ABLIM2: variants seen among roughly 807,000 people sequenced by gnomAD.
ABLIM2 encodes the protein actin binding LIM protein family member 2.
In ABLIM2, 53 loss-of-function variants were observed where a neutral mutation model predicts 97.7. That is an observed-to-expected ratio of 0.54 (90% confidence interval 0.44 to 0.68). ABLIM2 has a LOEUF of 0.68. Ranked by LOEUF, ABLIM2 falls within the 30% of genes least tolerant of loss-of-function variation. The probability of loss-of-function intolerance (pLI) is 0.00; values close to 1 mark genes in which losing one functional copy is unlikely to be tolerated. For missense variants in ABLIM2, 835 were observed against 867.2 expected (o/e 0.96, Z 0.47); for synonymous variants, 361 against 345.8 (o/e 1.04, Z -0.49).
rs571446501 is a variant in ABLIM2 at position 8,127,509 on chromosome 4, C to T, written c.11-20872G>A. 1.6e-6 allele frequency: 2 copies of T among 1,289,638 alleles called. No individual in the cohort carries two copies. Among genetic ancestry groups the T allele is most frequent in the Non-Finnish European group, 2.0e-6 (2 of 988,750 alleles). The allele number at this position is 1,289,638 out of a possible 1,614,324, so 79.9% of individuals were successfully genotyped here. A position where few individuals can be genotyped will look rare whatever the true frequency, so the allele number is the denominator to read the frequency against. ...GACTCATGGAGCTCACGGCTCCCAG[C>T]CGGATGGTCTGGGCAAAAGCGCAGT... On this transcript the variant is annotated intron_variant, in intron 1 of 20. Coordinates refer to ENST00000447017, the MANE Select transcript of ABLIM2 (RefSeq NM_001130083.2). The surrounding 1 kb of genome is among the most constrained non-coding windows in gnomAD (Gnocchi z 7.3).
chr4:8,029,606 A>AC lies in ABLIM2; in HGVS notation c.1168+49_1168+50insG, dbSNP rs3028964. The AC allele has an allele frequency of 1.2e-5, 16 of 1,317,610 alleles. No homozygotes were observed. In the East Asian group the frequency reaches 4.8e-4, roughly 39 times the overall value. The allele number at this position is 1,317,610 out of a possible 1,614,324, so 81.6% of individuals were successfully genotyped here. A position where few individuals can be genotyped will look rare whatever the true frequency, so the allele number is the denominator to read the frequency against. ...AAAACTAAAAAAAAAAAAAAAAAAA[A>AC]GGAAAAGGACAGCATCCTGGGGGCT... On this transcript the variant is annotated intron_variant, in intron 11 of 20. Transcript: ENST00000447017.
At position 8,149,840 on chromosome 4, in the gene ABLIM2, G is replaced by A. The variant is rs1416338540; in HGVS notation, c.10+8840C>T. Among the ~76,000 whole-genome samples the A allele has an allele frequency of 1.3e-5, 2 of 152,066 alleles. No homozygotes were observed. The highest frequency in any genetic ancestry group is 4.8e-5 in the African/African-American group (2 of 41,406). ...TGGCCCTGCGCCCAGACAGGACGGG[G>A]CCTATGGAGTAAGACCCCACACAGC... On this transcript the variant is annotated intron_variant, in intron 1 of 20. Coordinates refer to ENST00000447017, the MANE Select transcript of ABLIM2 (RefSeq NM_001130083.2). This position sits in a 1 kb window ranked among gnomAD's most constrained non-coding sequence, Gnocchi z 6.4.
At position 8,149,867 on chromosome 4, in the gene ABLIM2, G is replaced by A. The variant is rs1420322609; in HGVS notation, c.10+8813C>T. Among the ~76,000 whole-genome samples, 4 of 151,978 alleles carry A rather than the reference G, an allele frequency of 2.6e-5. No individual in the cohort carries two copies. Among genetic ancestry groups the A allele is most frequent in the South Asian group, 2.1e-4 (1 of 4,808 alleles). On this transcript the variant is annotated intron_variant, in intron 1 of 20. Transcript: ENST00000447017. The surrounding 1 kb of genome is among the most constrained non-coding windows in gnomAD (Gnocchi z 6.4). ...CTATGGAGTAAGACCCCACACAGCCGGTCCCTCTGTGGGACGATTCAGAGG... is the reference window on the plus strand; with the variant it reads ...CTATGGAGTAAGACCCCACACAGCCAGTCCCTCTGTGGGACGATTCAGAGG...
intron 1 of ABLIM2, among the ~76,000 whole-genome samples, chr4:8,151,048 A>C (rs1216537835): frequency 6.6e-6 from 1 of 152,160 alleles, no homozygotes; most frequent in East Asian, 1.9e-4. Context: ...GTAACCCCTC[A>C]AAAGCAGCTG....
rs1167976014 is a variant in ABLIM2 at position 8,125,383 on chromosome 4, A to G, written c.11-18746T>C. On this transcript the variant is annotated intron_variant, in intron 1 of 20. Coordinates refer to ENST00000447017, the MANE Select transcript of ABLIM2 (RefSeq NM_001130083.2). This position sits in a 1 kb window ranked among gnomAD's most constrained non-coding sequence, Gnocchi z 6.2. ...ATTTTACATGAATAATTTTACACAAATAGAATTGCATCTATGTGACTGCTA... is the reference window on the plus strand; with the variant it reads ...ATTTTACATGAATAATTTTACACAAGTAGAATTGCATCTATGTGACTGCTA... Among the ~76,000 whole-genome samples, 1 of 152,252 alleles carries G rather than the reference A, an allele frequency of 6.6e-6. No individual in the cohort carries two copies. Among genetic ancestry groups the G allele is most frequent in the African/African-American group, 2.4e-5 (1 of 41,462 alleles).
chr4:8,095,463 G>A lies in ABLIM2; in HGVS notation c.338+1636C>T, dbSNP rs74390766. Among the ~76,000 whole-genome samples, 1,516 of 152,228 alleles carry A rather than the reference G, an allele frequency of 1.0e-2. 52 individuals carry two copies. Among genetic ancestry groups the A allele is most frequent in the Admixed American group, 0.059 (895 of 15,282 alleles). ...TATAAATTTTACGTTGTTGAATGCT[G>A]GATTTTTAAAAATCTTCTTGTGAAA... On this transcript the variant is annotated intron_variant, in intron 3 of 20. Transcript: ENST00000447017. This position sits in a 1 kb window ranked among gnomAD's most constrained non-coding sequence, Gnocchi z 4.7.
intron 20 of ABLIM2, among the ~76,000 whole-genome samples, chr4:7,977,784 C>G (rs1218637653): frequency 2.8e-5 from 2 of 70,704 alleles, no homozygotes; most frequent in Admixed American, 3.5e-4. Flanking sequence ...GAGGGAGACT[C>G]TGTCTCAATA....
At chr4:8,133,219 G>T (rs1240674007) in intron 1 of ABLIM2, among the ~76,000 whole-genome samples, 1 of 152,180 alleles carries the variant, frequency 6.6e-6, no homozygotes, top group Non-Finnish European at 1.5e-5. Flanking sequence ...GACCTCATCT[G>T]GACGAGTTCC....
At position 8,054,108 on chromosome 4, in the gene ABLIM2, G is replaced by T. The variant is rs1227688700; in HGVS notation, c.822+80C>A. On this transcript the variant is annotated intron_variant, in intron 8 of 20. Transcript: ENST00000447017. This position sits in a 1 kb window ranked among gnomAD's most constrained non-coding sequence, Gnocchi z 4.9. ...ACTGGACAATGAGCCTGTAGAATCT[G>T]GTCAGTGTCCTCTTAACTGTACAAA... 5 of 1,505,192 alleles carry T rather than the reference G, an allele frequency of 3.3e-6. No individual in the cohort carries two copies. The highest frequency in any genetic ancestry group is 4.6e-6 in the Non-Finnish European group (5 of 1,082,340). The allele number at this position is 1,505,192 out of a possible 1,614,324, so 93.2% of individuals were successfully genotyped here.
chr4:7,991,779 C>T (rs934669414), intron 17 of ABLIM2, among the ~76,000 whole-genome samples: 10 of 152,040 alleles, frequency 6.6e-5, no homozygotes, highest in African/African-American at 2.4e-4. Flanking sequence ...GAGGCTGGGC[C>T]TTGGACAAAA....
At chr4:8,034,197 C>G (rs991855285) in intron 10 of ABLIM2, among the ~76,000 whole-genome samples, 1 of 152,152 alleles carries the variant, frequency 6.6e-6, no homozygotes, top group African/African-American at 2.4e-5. Context: ...CAGGTGCAGA[C>G]CAGATGTTGG....
rs1771859076 is a variant in ABLIM2 at position 8,019,344 on chromosome 4, TAA to T, written c.1423+272_1423+273del. ...GGCGCCACCACCAGGCTCTTGGCTATAAACCCCCATCCCAAGCCCTGGCTGAT... is the reference window on the plus strand; with the variant it reads ...GGCGCCACCACCAGGCTCTTGGCTATACCCCCATCCCAAGCCCTGGCTGAT... On this transcript the variant is annotated intron_variant, in intron 14 of 20. Transcript: ENST00000447017. The surrounding 1 kb of genome is among the most constrained non-coding windows in gnomAD (Gnocchi z 4.3). Among the ~76,000 whole-genome samples the T allele has an allele frequency of 6.6e-6, 1 of 152,206 alleles. No individual in the cohort carries two copies. Among genetic ancestry groups the T allele is most frequent in the Non-Finnish European group, 1.5e-5 (1 of 68,040 alleles).
intron 1 of ABLIM2, among the ~76,000 whole-genome samples, chr4:8,146,730 A>C (rs1236192363): frequency 2.0e-5 from 3 of 152,030 alleles, no homozygotes; most frequent in Non-Finnish European, 2.9e-5. Context: ...GGATCTCACT[A>C]TGTTGCCCAG....
chr4:7,976,882 C>T (rs1358092868), intron 20 of ABLIM2, among the ~76,000 whole-genome samples: 1 of 148,476 alleles, frequency 6.7e-6, no homozygotes. Context: ...TAAACATACA[C>T]ACACGCATAT....
Position 8,158,403 on chromosome 4 carries a change from A to G in ABLIM2, c.10+277T>C, listed in dbSNP as rs894032509. ...AACAACCCGGACCCCCGTGAGAAGC[A>G]AAGAAGGGGCGCCTTCCAGACATCC... On this transcript the variant is annotated intron_variant, in intron 1 of 20. Transcript: ENST00000447017. Among the ~76,000 whole-genome samples, 60 of 152,068 alleles carry G rather than the reference A, an allele frequency of 3.9e-4. 1 individual carries two copies. Among genetic ancestry groups the G allele is most frequent in the Non-Finnish European group, 7.4e-4 (50 of 67,990 alleles).
At chr4:8,121,241 G>C (rs1189075864) in intron 1 of ABLIM2, among the ~76,000 whole-genome samples, 3 of 152,218 alleles carry the variant, frequency 2.0e-5, no homozygotes, top group African/African-American at 4.8e-5. Context: ...TTGTGTGAGT[G>C]TCAGGTGGGG....
At chr4:8,091,913 TTATAA>T (rs1218057576) in intron 3 of ABLIM2, among the ~76,000 whole-genome samples, 1 of 124,406 alleles carries the variant, frequency 8.0e-6, no homozygotes, top group Non-Finnish European at 1.6e-5. Context: ...TAATATATTG[TTATAA>T]TATATAATGT....
chr4:7,977,283 G>T (rs902167916), intron 20 of ABLIM2, among the ~76,000 whole-genome samples: 6 of 152,052 alleles, frequency 3.9e-5, no homozygotes, highest in Non-Finnish European at 7.4e-5. Flanking sequence ...AGAACTGTGA[G>T]CAAATTAAAC....
chr4:8,130,035 G>A lies in ABLIM2; in HGVS notation c.11-23398C>T, dbSNP rs551696634. Among the ~76,000 whole-genome samples, 139 of 152,346 alleles carry A rather than the reference G, an allele frequency of 9.1e-4. 1 individual carries two copies. The highest frequency in any genetic ancestry group is 1.6e-3 in the Non-Finnish European group (110 of 68,028). On this transcript the variant is annotated intron_variant, in intron 1 of 20. Transcript: ENST00000447017. This position sits in a 1 kb window ranked among gnomAD's most constrained non-coding sequence, Gnocchi z 4.2. ...GGCTCCCAGCACTCAGCACTGCCTG[G>A]GGTTCCCACGGAGAAGGAGCCTCAG...
Sources: allele counts gnomAD v4.1 joint callset (sites outside exome capture counted in the v4.1 genomes callset), GRCh38; gene constraint gnomAD v4.1.1; non-coding constraint Gnocchi (gnomAD v3.1); transcripts MANE v1.5; gene names NCBI Gene and HGNC (gene_info 2026-07-23, HGNC 2026-07-21).